Variants in NEB observed in about 807,000 individuals in gnomAD.
NEB encodes the protein nebulin.
NEB carries 512 observed loss-of-function variants against 952.2 expected under a neutral mutation model. The ratio of observed to expected loss-of-function variants is 0.54; its 90% CI spans 0.50 to 0.58. The LOEUF is 0.58. NEB is among the 20% of genes least tolerant of loss of function. The pLI is 0.00. For synonymous variants in NEB, 2,900 were observed against 3,149.8 expected (o/e 0.92, Z 2.66); for missense variants, 8,428 against 9,231.1 (o/e 0.91, Z 3.56).
Position 151,691,845 on chromosome 2 carries a change from T to C in NEB, c.2211+19A>G, listed in dbSNP as rs754243460. The C allele has an allele frequency of 5.9e-6, 9 of 1,536,112 alleles. No individual in the cohort carries two copies. In the South Asian group the frequency reaches 1.0e-4, roughly 18 times the overall value. ...GGAATCCCAAGCTCAATTTCAATAA[T>C]TCAGGGCAGCTAACTTACATCTTTA... On this transcript the variant is annotated intron_variant, in intron 23 of 181. Transcript: ENST00000397345.
At chr2:151,671,561 GCCTAA>G (rs1268068307) in intron 37 of NEB, among the ~76,000 whole-genome samples, 1 of 151,870 alleles carries the variant, frequency 6.6e-6, no homozygotes, top group Non-Finnish European at 1.5e-5. Context: ...GTATTATGAA[GCCTAA>G]TAAAATAGAA....
rs550447698 is a variant in NEB, at chr2:151,676,516, C to T, written c.3774+1049G>A. Reference sequence around the variant, plus strand: ...ATTCAACATCTCTTCTTACCTACCCCCTAATATCCAGACTCTAAAAATTAG... The same window carrying T: ...ATTCAACATCTCTTCTTACCTACCCTCTAATATCCAGACTCTAAAAATTAG... On this transcript the variant is annotated intron_variant, in intron 34 of 181. Transcript: ENST00000397345. 9.8e-5 allele frequency among the ~76,000 whole-genome samples: 15 copies of T among 152,312 alleles called. No homozygotes were observed. The South Asian group carries it at 3.1e-3, about 32-fold the overall frequency.
At chr2:151,638,795 A>T (rs1406463577) in intron 63 of NEB, among the ~76,000 whole-genome samples, 1 of 108,350 alleles carries the variant, frequency 9.2e-6, no homozygotes, top group Non-Finnish European at 1.8e-5. Flanking sequence ...ACTGACAGAT[A>T]TTTCTCTCTC....
At chr2:151,696,863 T>C (rs921529305) in intron 16 of NEB, 128 bp from the exon 17 acceptor site, 60 of 697,844 alleles carry the variant, frequency 8.6e-5, no homozygotes, top group African/African-American at 6.1e-4. Flanking sequence ...AATATATTTT[T>C]TTCTAACTAG....
chr2:151,514,674 T>G, intron 158 of NEB, 144 bp downstream of exon 158: 1 of 646,120 alleles, frequency 1.5e-6, no homozygotes, highest in Non-Finnish European at 2.7e-6. Context: ...GGTAATAGAT[T>G]AGGTGGTAGT....
intron 156 of NEB, among the ~76,000 whole-genome samples, chr2:151,517,988 C>G (rs1382819943): frequency 6.6e-6 from 1 of 152,100 alleles, no homozygotes; most frequent in Non-Finnish European, 1.5e-5. Flanking sequence ...CTTCCTGACT[C>G]CCTATAATCT....
chr2:151,514,844 T>G lies in NEB; in HGVS notation c.22990A>C (p.Lys7664Gln). ...TCGCTTGCTATTTTAGTTGCATATT[T>G]GACATGTAACAAAGCTGGCGTGACC... is the stretch of plus-strand genomic sequence containing the variant. ...LEVTPALLHVKYATKIASEKE... is the reference protein window; with the variant it reads ...LEVTPALLHVQYATKIASEKE... Residue 7664 changes from lysine (K) to glutamine (Q), a missense_variant, in exon 158 of 182, where the codon AAA becomes CAA. This residue lies in a region of NEB where 3,374 missense variants were observed against 3,651.5 expected (regional missense o/e 0.92). Transcript: ENST00000397345. The G allele has an allele frequency of 6.3e-7, 1 of 1,583,240 alleles. No homozygotes were observed. The highest frequency in any genetic ancestry group is 8.6e-7 in the Non-Finnish European group (1 of 1,163,046).
chr2:151,618,592 G>T, intron 73 of NEB, 114 bp from the exon 74 acceptor site: 1 of 1,065,054 alleles, frequency 9.4e-7, no homozygotes, highest in Non-Finnish European at 1.4e-6. Flanking sequence ...AAGGTTCCTA[G>T]CATAGTCATT....
Position 151,610,757 on chromosome 2 carries a change from C to G in NEB, c.11910+5G>C. 1 of 1,604,568 alleles carries G rather than the reference C, an allele frequency of 6.2e-7. No homozygotes were observed. The highest frequency in any genetic ancestry group is 8.5e-7 in the Non-Finnish European group (1 of 1,172,944). ...GGTTTAAGCAACAATCAGGAAATCT[C>G]TTACTTGGCTGATATTGGCAGAATT... On this transcript the variant is annotated splice_donor_5th_base_variant and intron_variant, in intron 79 of 181. Coordinates refer to ENST00000397345, the MANE Select transcript of NEB (RefSeq NM_001164508.2).
chr2:151,570,894 G>T lies in NEB; in HGVS notation c.17014-293C>A, dbSNP rs942843732. Among the ~76,000 whole-genome samples, 5 of 152,214 alleles carry T rather than the reference G, an allele frequency of 3.3e-5. No homozygotes were observed. The East Asian group carries it at 9.7e-4, about 29-fold the overall frequency. Reference sequence around the variant, plus strand: ...GTAGGTATATACATATTTATAGGGTGCATGAGATATTTTAATATAGGCATA... The same window carrying T: ...GTAGGTATATACATATTTATAGGGTTCATGAGATATTTTAATATAGGCATA... On this transcript the variant is annotated intron_variant, in intron 107 of 181. Transcript: ENST00000397345.
intron 11 of NEB, among the ~76,000 whole-genome samples, chr2:151,710,219 T>G (rs954378297): frequency 6.6e-6 from 1 of 152,212 alleles, no homozygotes; most frequent in African/African-American, 2.4e-5. Context: ...AAAATTGAGG[T>G]AGAAATAATG....
intron 135 of NEB, 41 bp downstream of exon 135, chr2:151,545,847 G>C (rs774867067): frequency 3.2e-6 from 4 of 1,260,312 alleles, no homozygotes; most frequent in African/African-American, 1.5e-5. Context: ...GTTTGTACTG[G>C]TCAATTTGAT....
rs1466648554 is a variant in NEB, at chr2:151,640,525, A to G, written c.8515T>C (p.Trp2839Arg). 1 of 1,613,854 alleles carries G rather than the reference A, an allele frequency of 6.2e-7. No individual in the cohort carries two copies. Among genetic ancestry groups the G allele is most frequent in the Non-Finnish European group, 8.5e-7 (1 of 1,179,852 alleles). Reference protein sequence around the residue: ...DREYKKDFEKWKTKFSSPVDM... With the variant: ...DREYKKDFEKRKTKFSSPVDM... Reference sequence around the variant, plus strand: ...ACTGGGCTGCTGAACTTGGTCTTCCACTTCTCAAAGTCCTTCTTGTACTCC... The same window carrying G: ...ACTGGGCTGCTGAACTTGGTCTTCCGCTTCTCAAAGTCCTTCTTGTACTCC... Residue 2839 changes from tryptophan (W) to arginine (R), a missense_variant, in exon 61 of 182, where the codon TGG becomes CGG. Around this residue, in one of 11 missense-constraint regions of NEB, gnomAD observed 1,772 missense variants for 1,960.3 expected, o/e 0.90. Transcript: ENST00000397345.
chr2:151,563,601 C>T lies in NEB; in HGVS notation c.18693+5G>A, dbSNP rs377482159. 4.3e-6 allele frequency: 7 copies of T among 1,609,980 alleles called. No individual in the cohort carries two copies. The African/African-American group carries it at 8.0e-5, about 18-fold the overall frequency. Reference sequence around the variant, plus strand: ...AATCCCGTGTTAAAGTGGACATTTACTTACCGCACTCCTCATCTTTTGGAA... The same window carrying T: ...AATCCCGTGTTAAAGTGGACATTTATTTACCGCACTCCTCATCTTTTGGAA... On this transcript the variant is annotated splice_donor_5th_base_variant and intron_variant, in intron 119 of 181. Transcript: ENST00000397345.
At chr2:151,683,394 C>T (rs773087338) in intron 28 of NEB, among the ~76,000 whole-genome samples, 6 of 152,176 alleles carry the variant, frequency 3.9e-5, no homozygotes, top group Admixed American at 6.5e-5. Flanking sequence ...TAAAATGCTA[C>T]TCTTGTTGTC....
intron 71 of NEB, among the ~76,000 whole-genome samples, chr2:151,621,686 G>A (rs561644740): frequency 6.6e-6 from 1 of 152,138 alleles, no homozygotes; most frequent in Non-Finnish European, 1.5e-5. Context: ...AAACACAAAT[G>A]TTCCATGGAA....
At chr2:151,639,043 A>C (rs1282350205) in intron 63 of NEB, among the ~76,000 whole-genome samples, 3 of 152,228 alleles carry the variant, frequency 2.0e-5, no homozygotes, top group Non-Finnish European at 4.4e-5. Flanking sequence ...AAAATGGTCT[A>C]CATAATCTCA....
chr2:151,680,662 A>T, intron 30 of NEB, 68 bp downstream of exon 30: 4 of 1,169,592 alleles, frequency 3.4e-6, no homozygotes, highest in Non-Finnish European at 5.0e-6. Context: ...GGTGATCAGT[A>T]CATTTGAAAT....
chr2:151,511,990 AT>A (rs1372581624), intron 161 of NEB, among the ~76,000 whole-genome samples: 2 of 148,446 alleles, frequency 1.3e-5, no homozygotes, highest in Non-Finnish European at 3.0e-5. Context: ...CTACCTTAAA[AT>A]TCCTGCATCA....
Sources: allele counts gnomAD v4.1 joint callset (sites outside exome capture counted in the v4.1 genomes callset), GRCh38; gene constraint gnomAD v4.1.1; regional missense constraint gnomAD v4.1.1; transcripts MANE v1.5; gene names NCBI Gene and HGNC (gene_info 2026-07-23, HGNC 2026-07-21).